Variants in TTC23 observed in about 807,000 individuals in gnomAD.
TTC23 encodes tetratricopeptide repeat protein 23.
TTC23 carries 58 observed loss-of-function variants against 55.1 expected under a neutral mutation model. The observed-to-expected ratio is 1.05, with a 90% CI of 0.85 to 1.31. TTC23 has a LOEUF of 1.31. TTC23 is among the 50% of genes most tolerant of loss of function. The probability of loss-of-function intolerance (pLI) is 0.00; values close to 1 mark genes in which losing one functional copy is unlikely to be tolerated. For missense variants in TTC23, 516 were observed against 534.4 expected (o/e 0.97, Z 0.34); for synonymous variants, 203 against 199.9 (o/e 1.02, Z -0.13).
intron 12 of TTC23, chr15:99,141,131 G>A (rs959896409): frequency 1.3e-5 from 2 of 152,070 alleles, no homozygotes; most frequent in African/African-American, 4.8e-5. Context: ...TTGATAGTGG[G>A]TATTCAAACT....
chr15:99,240,800 T>C (rs1429085924), intron 3 of TTC23, among the ~76,000 whole-genome samples: 1 of 152,244 alleles, frequency 6.6e-6, no homozygotes, highest in Admixed American at 6.5e-5. Flanking sequence ...CACCACTGAC[T>C]ATAAAGATGC....
chr15:99,220,690 T>C (rs2077850968), intron 6 of TTC23, among the ~76,000 whole-genome samples: 1 of 152,252 alleles, frequency 6.6e-6, no homozygotes, highest in Non-Finnish European at 1.5e-5. Flanking sequence ...GCTTGGCATT[T>C]GGTGTTTTCC....
chr15:99,148,749 A>C (rs1366748930), intron 12 of TTC23: 1 of 152,180 alleles, frequency 6.6e-6, no homozygotes, highest in Non-Finnish European at 1.5e-5. Flanking sequence ...TCTAGAATAC[A>C]ATCAGGTTTC....
chr15:99,144,821 C>G (rs1357614067), intron 12 of TTC23: 1 of 152,214 alleles, frequency 6.6e-6, no homozygotes, highest in Non-Finnish European at 1.5e-5. Flanking sequence ...TCTGAAATCA[C>G]TACTCTTCTT....
At chr15:99,248,420 C>G (rs895765986) in intron 1 of TTC23, 1 of 152,140 alleles carries the variant, frequency 6.6e-6, no homozygotes, top group Middle Eastern at 3.2e-3. Flanking sequence ...AACCTTCTGC[C>G]GCAGTCAGAA....
At chr15:99,175,192 A>C in intron 9 of TTC23, 37 bp from the exon 10 acceptor site, 1 of 1,559,020 alleles carries the variant, frequency 6.4e-7, no homozygotes, top group Non-Finnish European at 8.8e-7. Context: ...TTGTTTACAT[A>C]CTTGGCAGCA....
intron 3 of TTC23, 53 bp downstream of exon 3, chr15:99,241,312 T>TCAAACAAA (rs369628187): frequency 4.6e-5 from 7 of 153,114 alleles, no homozygotes; most frequent in African/African-American, 1.2e-4. Flanking sequence ...CGAAACTGTC[T>TCAAACAAA]CAAACAAACA....
At chr15:99,147,387 G>A (rs181125137) in intron 12 of TTC23, among the ~76,000 whole-genome samples, 5 of 151,774 alleles carry the variant, frequency 3.3e-5, no homozygotes, top group African/African-American at 7.2e-5. Context: ...CACCACACCC[G>A]GCTAATTTTT....
intron 8 of TTC23, among the ~76,000 whole-genome samples, chr15:99,203,709 T>A (rs1372358861): frequency 6.6e-6 from 1 of 151,894 alleles, no homozygotes; most frequent in Non-Finnish European, 1.5e-5. Flanking sequence ...TCTTTCTTTT[T>A]TTTTTAAATC....
At chr15:99,220,421 T>C (rs967331375) in intron 6 of TTC23, among the ~76,000 whole-genome samples, 1 of 152,202 alleles carries the variant, frequency 6.6e-6, no homozygotes, top group Non-Finnish European at 1.5e-5. Flanking sequence ...AAACCCCAGA[T>C]GGCAGGACAA....
chr15:99,174,819 T>G (rs1433973806), intron 10 of TTC23, among the ~76,000 whole-genome samples: 1 of 152,210 alleles, frequency 6.6e-6, no homozygotes, highest in African/African-American at 2.4e-5. Flanking sequence ...GGATAGAGAT[T>G]GGCTGTATTT....
intron 9 of TTC23, among the ~76,000 whole-genome samples, chr15:99,184,776 G>A (rs2074505940): frequency 6.6e-6 from 1 of 152,174 alleles, no homozygotes; most frequent in South Asian, 2.1e-4. Context: ...GTTTTGAAAT[G>A]TGAGGACATG....
chr15:99,233,443 T>C (rs1192828263), intron 4 of TTC23, among the ~76,000 whole-genome samples: 2 of 152,104 alleles, frequency 1.3e-5, no homozygotes, highest in South Asian at 2.1e-4. Context: ...CAAATTCCTT[T>C]AAAGACACAA....
chr15:99,177,159 A>C (rs2073657233), intron 9 of TTC23, among the ~76,000 whole-genome samples: 1 of 152,240 alleles, frequency 6.6e-6, no homozygotes, highest in Non-Finnish European at 1.5e-5. Context: ...ACATGTTAAA[A>C]TCTGCTAAGC....
At chr15:99,247,735 T>G (rs1376636445) in intron 1 of TTC23, among the ~76,000 whole-genome samples, 1 of 152,216 alleles carries the variant, frequency 6.6e-6, no homozygotes, top group Non-Finnish European at 1.5e-5. Context: ...AAAGTATTTT[T>G]TTAGGATGAT....
At chr15:99,146,819 C>A (rs1272829873) in intron 12 of TTC23, among the ~76,000 whole-genome samples, 1 of 152,248 alleles carries the variant, frequency 6.6e-6, no homozygotes, top group Non-Finnish European at 1.5e-5. Context: ...CAGGAGGGTG[C>A]CTTTTCCCCA....
intron 9 of TTC23, among the ~76,000 whole-genome samples, chr15:99,185,870 C>T (rs1596485950): frequency 6.6e-6 from 1 of 152,222 alleles, no homozygotes; most frequent in East Asian, 1.9e-4. Flanking sequence ...TATTTTTCTT[C>T]ATTTTAATGA....
At chr15:99,162,740 T>C (rs566093586) in intron 10 of TTC23, among the ~76,000 whole-genome samples, 2 of 152,224 alleles carry the variant, frequency 1.3e-5, no homozygotes, top group African/African-American at 4.8e-5. Context: ...GAAGATATAG[T>C]TCTCCTGAGA....
At chr15:99,159,097 GA>G (rs2071012695) in intron 11 of TTC23, 1 of 152,378 alleles carries the variant, frequency 6.6e-6, no homozygotes, top group South Asian at 2.1e-4. Flanking sequence ...TAAAATCTTC[GA>G]GGGCAGCTTA....
Sources: gnomAD v4.1 joint callset for allele counts (sites outside exome capture counted in the v4.1 genomes callset) on GRCh38, gnomAD v4.1.1 for gene constraint, MANE v1.5 for transcripts, NCBI Gene and HGNC (gene_info 2026-07-23, HGNC 2026-07-21) for gene names.